The following SLC25A15 variants were observed in gnomAD, a reference collection of about 807,000 sequenced individuals.
SLC25A15 encodes mitochondrial ornithine transporter 1.
In SLC25A15, 24 loss-of-function variants were observed where a neutral mutation model predicts 32.3. The observed-to-expected ratio is 0.74, with a 90% CI of 0.54 to 1.04. The LOEUF (loss-of-function observed/expected upper bound fraction) is 1.04, where lower values mean the gene tolerates loss of function less well. Among genes scored for constraint, SLC25A15 ranks in the 50% least tolerant of loss-of-function variants. The pLI, the probability that SLC25A15 is intolerant of heterozygous loss-of-function variation, is 0.00. For synonymous variants in SLC25A15, 132 were observed against 142.1 expected (o/e 0.93, Z 0.51); for missense variants, 317 against 374.5 (o/e 0.85, Z 1.27).
chr13:40,809,234 A>C (rs147534093), intron 6 of SLC25A15, among the ~76,000 whole-genome samples: 16 of 152,228 alleles, frequency 1.1e-4, no homozygotes, highest in East Asian at 9.7e-4. Context: ...TGCCACCTCT[A>C]TCTCCATGGT....
chr13:40,808,546 G>A lies in SLC25A15; in HGVS notation c.731G>A (p.Gly244Glu), dbSNP rs747658091. ...KSRIQVLSMS[G>E]KQAGFIRTFI... ...AGAATTCAAGTTCTTTCCATGTCTG[G>A]AAAACAGGCAGGATTTATCAGAACC... The change falls in exon 6 of 7, where the codon GGA becomes GAA. Residue 244 changes from glycine to glutamate, a missense_variant. By Grantham distance (98) the Gly-to-Glu change is moderately conservative. Coordinates refer to ENST00000338625, the MANE Select transcript of SLC25A15 (RefSeq NM_014252.4). 1.2e-6 allele frequency: 2 copies of A among 1,611,256 alleles called. No homozygotes were observed. Among genetic ancestry groups the A allele is most frequent in the Non-Finnish European group, 1.7e-6 (2 of 1,179,946 alleles).
In SLC25A15 at chr13:40,809,747, GT is replaced by G; in HGVS notation, c.*81del. ...CAGGGTTTCTTGGAGTACAAGACCA[GT>G]GTGAAGTTATTCTGATTTCTTGGGA... On this transcript the variant is annotated 3_prime_UTR_variant, in exon 7 of 7. Transcript: ENST00000338625. 1 of 1,489,636 alleles carries G rather than the reference GT, an allele frequency of 6.7e-7. No homozygotes were observed. Among genetic ancestry groups the G allele is most frequent in the Non-Finnish European group, 9.3e-7 (1 of 1,073,046 alleles). The allele number at this position is 1,489,636 out of a possible 1,614,324, so 92.3% of individuals were successfully genotyped here. A position where few individuals can be genotyped will look rare whatever the true frequency, so the allele number is the denominator to read the frequency against.
At chr13:40,790,100 G>T (rs556721769) in intron 1 of SLC25A15, among the ~76,000 whole-genome samples, 9 of 152,294 alleles carry the variant, frequency 5.9e-5, no homozygotes, top group African/African-American at 1.7e-4. Context: ...GCGCCTGGCC[G>T]GTCCTTGGCG....
At chr13:40,804,696 T>C (rs1446786468) in intron 3 of SLC25A15, among the ~76,000 whole-genome samples, 3 of 148,954 alleles carry the variant, frequency 2.0e-5, no homozygotes, top group Non-Finnish European at 3.0e-5. Context: ...CACCCACCAC[T>C]ACGCCCGGCT....
intron 4 of SLC25A15, among the ~76,000 whole-genome samples, chr13:40,806,679 A>C (rs1882189436): frequency 6.6e-6 from 1 of 152,216 alleles, no homozygotes; most frequent in African/African-American, 2.4e-5. Context: ...TCTTGCTGAG[A>C]ACAAAGTGAG....
chr13:40,808,482 C>A lies in SLC25A15; in HGVS notation c.667C>A (p.Leu223Ile). 1 of 1,613,588 alleles carries A rather than the reference C, an allele frequency of 6.2e-7. No individual in the cohort carries two copies. Among genetic ancestry groups the A allele is most frequent in the East Asian group, 2.2e-5 (1 of 44,890 alleles). The change falls in exon 6 of 7, where the codon CTC becomes ATC. Residue 223 changes from leucine (L) to isoleucine (I), a missense_variant. Leu to Ile is a conservative substitution (Grantham distance 5, BLOSUM62 2). Transcript: ENST00000338625. ...AAGTGGTGGAGTTGGTGGGATTTGCCTCTGGCTTGCGGTATACCCAGTGGA... is the reference window on the plus strand; with the variant it reads ...AAGTGGTGGAGTTGGTGGGATTTGCATCTGGCTTGCGGTATACCCAGTGGA... Reference protein sequence around the residue: ...MLSGGVGGICLWLAVYPVDCI... With the variant: ...MLSGGVGGICIWLAVYPVDCI...
intron 5 of SLC25A15, 66 bp downstream of exon 5, chr13:40,807,529 G>C: frequency 6.4e-7 from 1 of 1,552,288 alleles, no homozygotes; most frequent in South Asian, 1.1e-5. Flanking sequence ...TATGGTTTCT[G>C]TGGATTCTCT....
At position 40,809,920 on chromosome 13, in the gene SLC25A15, C is replaced by G; in HGVS notation, c.*253C>G. 1 of 487,960 alleles carries G rather than the reference C, an allele frequency of 2.0e-6. No individual in the cohort carries two copies. Among genetic ancestry groups the G allele is most frequent in the Non-Finnish European group, 3.7e-6 (1 of 267,560 alleles). The allele number at this position is 487,960 out of a possible 1,614,324, so 30.2% of individuals were successfully genotyped here. On this transcript the variant is annotated 3_prime_UTR_variant, in exon 7 of 7. Coordinates refer to ENST00000338625, the MANE Select transcript of SLC25A15 (RefSeq NM_014252.4). ...TGGTAAAATATAGAGTGGTCAGTAG[C>G]CTTATGCACCTAATTCAAAAGGTGG...
Position 40,807,345 on chromosome 13 carries a change from G to C in SLC25A15, c.504G>C (p.Gly168=). ...TTCTTAGGAAAGATGGCCCCTTGGG[G>C]TTCTACCATGGACTCTCAAGCACTT... ...KSILRKDGPL[G]FYHGLSSTLL... The change falls in exon 5 of 7, where the codon GGG becomes GGC. Residue 168 remains glycine, a synonymous_variant. Coordinates refer to ENST00000338625, the MANE Select transcript of SLC25A15 (RefSeq NM_014252.4). 1.2e-6 allele frequency: 2 copies of C among 1,614,022 alleles called. No individual in the cohort carries two copies. Among genetic ancestry groups the C allele is most frequent in the Non-Finnish European group, 1.7e-6 (2 of 1,179,932 alleles).
intron 2 of SLC25A15, among the ~76,000 whole-genome samples, chr13:40,793,521 C>T (rs1332047679): frequency 5.9e-5 from 9 of 152,174 alleles, no homozygotes; most frequent in Admixed American, 6.5e-5. Context: ...GAGTAGGCTA[C>T]GCCATCTAGG....
intron 2 of SLC25A15, among the ~76,000 whole-genome samples, chr13:40,795,820 C>T (rs1881652417): frequency 6.6e-6 from 1 of 152,166 alleles, no homozygotes; most frequent in South Asian, 2.1e-4. Flanking sequence ...GACCTTTAGA[C>T]ATTGTTGGCT....
Position 40,799,245 on chromosome 13 carries a change from T to C in SLC25A15, c.244T>C (p.Phe82Leu). ...CAACATCGCTGAGAACTCAGTCCTC[T>C]TCATGTGCTACGGCTTCTGCCAGCA... ...IANIAENSVL[F>L]MCYGFCQQVV... The change falls in exon 3 of 7, where the codon TTC becomes CTC. Residue 82 changes from phenylalanine (F) to leucine (L), a missense_variant. Coordinates refer to ENST00000338625, the MANE Select transcript of SLC25A15 (RefSeq NM_014252.4). 1 of 1,614,168 alleles carries C rather than the reference T, an allele frequency of 6.2e-7. No homozygotes were observed. The highest frequency in any genetic ancestry group is 8.5e-7 in the Non-Finnish European group (1 of 1,180,026).
intron 6 of SLC25A15, 110 bp from the exon 7 acceptor site, chr13:40,809,433 T>C: frequency 1.5e-6 from 2 of 1,365,090 alleles, no homozygotes; most frequent in Non-Finnish European, 2.1e-6. Context: ...TGTTGGTTTT[T>C]AGCACTGTTG....
At position 40,810,708 on chromosome 13, in the gene SLC25A15, A is replaced by G; in HGVS notation, c.*1041A>G. 1 of 532,818 alleles carries G rather than the reference A, an allele frequency of 1.9e-6. No homozygotes were observed. The highest frequency in any genetic ancestry group is 3.9e-6 in the Non-Finnish European group (1 of 259,562). The allele number at this position is 532,818 out of a possible 1,614,324, so 33.0% of individuals were successfully genotyped here. A position where few individuals can be genotyped will look rare whatever the true frequency, so the allele number is the denominator to read the frequency against. On this transcript the variant is annotated 3_prime_UTR_variant, in exon 7 of 7. Transcript: ENST00000338625. ...GGCCCAGAGGGTCAGGCCTTTGGGA[A>G]ATAGCATGGCCTTTACCAGCTTCCC...
chr13:40,806,601 GT>G (rs1293839750), intron 4 of SLC25A15, among the ~76,000 whole-genome samples: 8 of 152,226 alleles, frequency 5.3e-5, no homozygotes, highest in Non-Finnish European at 8.8e-5. Context: ...AAGGAAAATA[GT>G]TTTTAAATGT....
intron 3 of SLC25A15, among the ~76,000 whole-genome samples, chr13:40,804,802 G>A (rs536559689): frequency 4.6e-5 from 7 of 151,586 alleles, no homozygotes; most frequent in South Asian, 4.2e-4. Context: ...CGCCCGCCTC[G>A]GCCTCCCAGA....
At chr13:40,793,016 G>T in intron 1 of SLC25A15, 142 bp from the exon 2 acceptor site, 1 of 614,778 alleles carries the variant, frequency 1.6e-6, no homozygotes, top group Non-Finnish European at 3.0e-6. Flanking sequence ...AAGCTGCACT[G>T]ATACCTTGAG....
chr13:40,805,243 C>T lies in SLC25A15; in HGVS notation c.440C>T (p.Ala147Val). Residue 147 changes from alanine (A) to valine (V), a missense_variant, in exon 4 of 7, where the codon GCC (alanine) becomes GTC (valine). By Grantham distance (64) the Ala-to-Val change is moderately conservative (BLOSUM62 0). Coordinates refer to ENST00000338625, the MANE Select transcript of SLC25A15 (RefSeq NM_014252.4). Reference protein sequence around the residue: ...MYEMETSGKIAKSQNTVWSVI... With the variant: ...MYEMETSGKIVKSQNTVWSVI... ...GAGATGGAGACATCAGGGAAGATAG[C>T]CAAGAGCCAGAAGTAAGCACCACTT... is the stretch of plus-strand genomic sequence containing the variant. 6.2e-7 allele frequency: 1 copy of T among 1,614,110 alleles called. No homozygotes were observed. Among genetic ancestry groups the T allele is most frequent in the East Asian group, 2.2e-5 (1 of 44,878 alleles).
At chr13:40,791,895 C>G (rs1318543284) in intron 1 of SLC25A15, among the ~76,000 whole-genome samples, 1 of 152,202 alleles carries the variant, frequency 6.6e-6, no homozygotes, top group Non-Finnish European at 1.5e-5. Context: ...TAAACAACTT[C>G]TCCACGGCCA....
Sources: allele counts gnomAD v4.1 joint callset (sites outside exome capture counted in the v4.1 genomes callset), GRCh38; gene constraint gnomAD v4.1.1; transcripts MANE v1.5; gene names NCBI Gene and HGNC (gene_info 2026-07-23, HGNC 2026-07-21).